RALGAPB: variants seen among roughly 807,000 people sequenced by gnomAD.
RALGAPB encodes the protein ral GTPase-activating protein subunit beta.
In RALGAPB, 25 loss-of-function variants were observed where a neutral mutation model predicts 161.1. The ratio of observed to expected loss-of-function variants is 0.16; its 90% CI spans 0.11 to 0.22. The LOEUF (loss-of-function observed/expected upper bound fraction) is 0.22. Ranked by LOEUF, RALGAPB falls within the 10% of genes least tolerant of loss-of-function variation. The pLI, the probability that RALGAPB is intolerant of heterozygous loss-of-function variation, is 1.00. For synonymous variants in RALGAPB, 629 were observed against 626.1 expected (o/e 1.00, Z -0.07); for missense variants, 1,391 against 1,815.2 (o/e 0.77, Z 4.25).
chr20:38,501,527 C>G (rs192662389), intron 5 of RALGAPB, among the ~76,000 whole-genome samples: 1 of 152,112 alleles, frequency 6.6e-6, no homozygotes, highest in African/African-American at 2.4e-5. Flanking sequence ...CTTAGCCTCC[C>G]GAATAACTGG....
At chr20:38,509,008 C>A (rs1257516842) in intron 5 of RALGAPB, 69 bp from the exon 6 acceptor site, 1 of 1,522,402 alleles carries the variant, frequency 6.6e-7, no homozygotes, top group Non-Finnish European at 9.0e-7. Context: ...TCTCTGTCTT[C>A]TTTCTATGCT....
chr20:38,520,965 G>A (rs117357722), intron 9 of RALGAPB, among the ~76,000 whole-genome samples: 1,680 of 152,124 alleles, frequency 0.011, 17 homozygotes, highest in Non-Finnish European at 0.018. Context: ...GTGTGTTTTG[G>A]AGTTGGGTGG....
intron 6 of RALGAPB, 74 bp from the exon 7 acceptor site, chr20:38,516,118 A>G: frequency 4.2e-6 from 5 of 1,199,384 alleles, no homozygotes; most frequent in Non-Finnish European, 2.3e-6. Flanking sequence ...TCCTATTCTT[A>G]AATTAGATTA....
Position 38,558,479 on chromosome 20 carries a change from T to C in RALGAPB, c.3531+26T>C, listed in dbSNP as rs74477626. The C allele has an allele frequency of 4.0e-6, 6 of 1,487,578 alleles. No individual in the cohort carries two copies. In the South Asian group the frequency reaches 5.3e-5, roughly 13 times the overall value. 92.1% of individuals were successfully genotyped at this position (1,487,578 alleles called of 1,614,324 possible). A position where few individuals can be genotyped will look rare whatever the true frequency, so the allele number is the denominator to read the frequency against. ...GTAAGAGTTACGAATTTTTTTTTTT[T>C]GGTATGTTTTTGTGCTATAAATACA... is the stretch of plus-strand genomic sequence containing the variant. On this transcript the variant is annotated intron_variant, in intron 23 of 29. Coordinates refer to ENST00000262879, the MANE Select transcript of RALGAPB (RefSeq NM_020336.4).
Position 38,531,224 on chromosome 20 carries a change from T to C in RALGAPB, c.2108T>C (p.Met703Thr), listed in dbSNP as rs767413365. The change falls in exon 14 of 30, where the codon ATG becomes ACG. Residue 703 changes from methionine (M) to threonine (T), a missense_variant. Physicochemically the swap from Met to Thr is moderately conservative, Grantham distance 81 (BLOSUM62 -1). Transcript: ENST00000262879. ...CTTTTGGAAGCCATTGGTTGCCAGA[T>C]GGAGATGGTAAGAAGCATACATGCA... ...SALLEAIGCQMEMGGGENNLK... is the reference protein window; with the variant it reads ...SALLEAIGCQTEMGGGENNLK... The C allele has an allele frequency of 6.2e-7, 1 of 1,604,268 alleles. No homozygotes were observed. The highest frequency in any genetic ancestry group is 8.5e-7 in the Non-Finnish European group (1 of 1,171,196).
chr20:38,567,321 A>G lies in RALGAPB; in HGVS notation c.3954+89A>G, dbSNP rs1434706221. 11 of 1,512,636 alleles carry G rather than the reference A, an allele frequency of 7.3e-6. No homozygotes were observed. In the East Asian group the frequency reaches 1.6e-4, roughly 22 times the overall value. The allele number at this position is 1,512,636 out of a possible 1,614,324, so 93.7% of individuals were successfully genotyped here. ...TGCCTGAAAAGCTTTTAACCCAGAG[A>G]GTATTTATATCAGAGTACTGATTCC... On this transcript the variant is annotated intron_variant, in intron 26 of 29. Coordinates refer to ENST00000262879, the MANE Select transcript of RALGAPB (RefSeq NM_020336.4).
chr20:38,496,365 A>ACTT (rs936504705), intron 3 of RALGAPB, among the ~76,000 whole-genome samples: 2 of 151,270 alleles, frequency 1.3e-5, no homozygotes, highest in Non-Finnish European at 2.9e-5. Context: ...TCTTGAGGAA[A>ACTT]CTCCCCAGTC....
At chr20:38,482,428 T>TTC in intron 1 of RALGAPB, among the ~76,000 whole-genome samples, 1 of 125,742 alleles carries the variant, frequency 8.0e-6, no homozygotes, top group East Asian at 2.0e-4. Context: ...ATGTTTATCT[T>TTC]TTTTTTTTTT....
At chr20:38,529,780 G>T (rs2086593768) in intron 13 of RALGAPB, among the ~76,000 whole-genome samples, 2 of 152,174 alleles carry the variant, frequency 1.3e-5, no homozygotes, top group Admixed American at 1.3e-4. Context: ...GGTGGAGGTT[G>T]CAGTGAGCCA....
At chr20:38,500,231 C>T (rs1043888454) in intron 5 of RALGAPB, among the ~76,000 whole-genome samples, 1 of 151,372 alleles carries the variant, frequency 6.6e-6, no homozygotes, top group Non-Finnish European at 1.5e-5. Context: ...TTGAGCTTCA[C>T]GGATACCATG....
intron 1 of RALGAPB, among the ~76,000 whole-genome samples, 155 bp from the exon 2 acceptor site, chr20:38,488,248 T>C (rs1040261667): frequency 6.6e-6 from 1 of 152,208 alleles, no homozygotes; most frequent in African/African-American, 2.4e-5. Flanking sequence ...TTGAAAAACA[T>C]TGATAGTTTC....
At chr20:38,557,464 A>G (rs2087625498) in intron 22 of RALGAPB, among the ~76,000 whole-genome samples, 1 of 152,216 alleles carries the variant, frequency 6.6e-6, no homozygotes, top group Non-Finnish European at 1.5e-5. Flanking sequence ...TCAGTTGTAC[A>G]AATAGTTTTA....
chr20:38,551,343 C>A, intron 21 of RALGAPB, 120 bp downstream of exon 21: 1 of 1,148,288 alleles, frequency 8.7e-7, no homozygotes, highest in East Asian at 2.4e-5. Context: ...CATGGGCCTC[C>A]ATCATCCAGG....
At chr20:38,512,256 C>T (rs116728633) in intron 6 of RALGAPB, among the ~76,000 whole-genome samples, 1,575 of 152,238 alleles carry the variant, frequency 0.01, 27 homozygotes, top group African/African-American at 0.036. Flanking sequence ...TTCACTGATT[C>T]TTCTGAGATA....
intron 6 of RALGAPB, among the ~76,000 whole-genome samples, chr20:38,511,996 C>T (rs2085975581): frequency 6.6e-6 from 1 of 152,174 alleles, no homozygotes; most frequent in South Asian, 2.1e-4. Flanking sequence ...GGCGAGTCTG[C>T]CTTTCTAAGA....
intron 6 of RALGAPB, among the ~76,000 whole-genome samples, chr20:38,510,148 A>G (rs942353567): frequency 1.4e-4 from 20 of 148,038 alleles, no homozygotes; most frequent in African/African-American, 3.1e-4. Flanking sequence ...ACACACACAC[A>G]CACACACACA....
rs1209571822 is a variant in RALGAPB, at chr20:38,546,225, C to G, written c.2715-18C>G. 1 of 1,613,034 alleles carries G rather than the reference C, an allele frequency of 6.2e-7. No individual in the cohort carries two copies. ...TTTTGCTTTGGGAATTAACTGTTAT[C>G]TTTTCCATTCTCCATAGCATTATGC... On this transcript the variant is annotated intron_variant, in intron 18 of 29. Transcript: ENST00000262879.
chr20:38,506,244 C>T (rs755162378), intron 5 of RALGAPB, among the ~76,000 whole-genome samples: 7 of 151,596 alleles, frequency 4.6e-5, no homozygotes, highest in Admixed American at 2.6e-4. Flanking sequence ...GGGTGTTCTG[C>T]GTCAATCCCC....
In RALGAPB at chr20:38,554,157, A is replaced by G. The variant is rs577731296; in HGVS notation, c.3372+81A>G. 5.8e-6 allele frequency: 7 copies of G among 1,216,504 alleles called. No individual in the cohort carries two copies. The African/African-American group carries it at 9.8e-5, about 17-fold the overall frequency. The allele number at this position is 1,216,504 out of a possible 1,614,324, so 75.4% of individuals were successfully genotyped here. A position where few individuals can be genotyped will look rare whatever the true frequency, so the allele number is the denominator to read the frequency against. ...CAATAGCTAAAATATTTTTATCAGG[A>G]TAGAAGCGAATTAAAAAAAAAAAAA... On this transcript the variant is annotated intron_variant, in intron 22 of 29. Coordinates refer to ENST00000262879, the MANE Select transcript of RALGAPB (RefSeq NM_020336.4).
Sources: allele counts gnomAD v4.1 joint callset (sites outside exome capture counted in the v4.1 genomes callset), GRCh38; gene constraint gnomAD v4.1.1; transcripts MANE v1.5; gene names NCBI Gene and HGNC (gene_info 2026-07-23, HGNC 2026-07-21).